Variants in GALNT13 observed in about 807,000 individuals in gnomAD.
GALNT13 encodes the protein UDP-GalNAc:polypeptide N-acetylgalactosaminyltransferase 13.
In GALNT13, 28 loss-of-function variants were observed where a neutral mutation model predicts 64.2. The ratio of observed to expected loss-of-function variants is 0.44; its 90% CI spans 0.32 to 0.60. The LOEUF (loss-of-function observed/expected upper bound fraction) is 0.60. GALNT13 is among the 20% of genes least tolerant of loss of function. The pLI, the probability that GALNT13 is intolerant of heterozygous loss-of-function variation, is 0.05. For synonymous variants in GALNT13, 214 were observed against 224.6 expected (o/e 0.95, Z 0.42); for missense variants, 577 against 669.8 (o/e 0.86, Z 1.53).
At chr2:154,228,782 C>G (rs1688763878) in intron 4 of GALNT13, among the ~76,000 whole-genome samples, 1 of 152,048 alleles carries the variant, frequency 6.6e-6, no homozygotes, top group African/African-American at 2.4e-5. Flanking sequence ...ATCTCATTTT[C>G]AGGATGTGGT....
chr2:153,786,199 G>A, the GALNT13 span, among the ~76,000 whole-genome samples: 492 of 152,256 alleles, frequency 3.2e-3, 2 homozygotes, highest in African/African-American at 0.011. Flanking sequence ...CTCTGAAGAG[G>A]AAACCCAGAG....
chr2:154,022,664 T>C (rs1257930293), intron 3 of GALNT13, among the ~76,000 whole-genome samples: 2 of 152,164 alleles, frequency 1.3e-5, no homozygotes, highest in African/African-American at 4.8e-5. Flanking sequence ...ATTCATTAAT[T>C]TTTTGGAGGG....
At chr2:153,080,277 TG>T in the GALNT13 span, among the ~76,000 whole-genome samples, 1 of 152,268 alleles carries the variant, frequency 6.6e-6, no homozygotes, top group Admixed American at 6.5e-5. Flanking sequence ...CTGTTTAGGT[TG>T]GATGTTTATT....
At chr2:154,456,548 T>G (rs1702034617), downstream of GALNT13, among the ~76,000 whole-genome samples, 1 of 152,104 alleles carries the variant, frequency 6.6e-6, no homozygotes, top group Admixed American at 6.6e-5. Flanking sequence ...ATTAAGTGCC[T>G]ATGAATATCT....
chr2:154,225,283 A>G (rs954202703), intron 4 of GALNT13, among the ~76,000 whole-genome samples: 2 of 152,102 alleles, frequency 1.3e-5, no homozygotes, highest in African/African-American at 4.8e-5. Context: ...ATGCAAGTTA[A>G]AACTGTACTG....
intron 3 of GALNT13, among the ~76,000 whole-genome samples, chr2:154,129,910 A>C (rs1682514750): frequency 3.9e-5 from 6 of 151,994 alleles, no homozygotes. Flanking sequence ...CCTGTTAGCT[A>C]CTGCTCATGG....
chr2:153,609,732 A>G, the GALNT13 span, among the ~76,000 whole-genome samples: 12 of 152,212 alleles, frequency 7.9e-5, no homozygotes, highest in Non-Finnish European at 1.3e-4. Context: ...TTTGATCTCA[A>G]ATAAAATTGT....
At chr2:153,640,778 C>T in the GALNT13 span, among the ~76,000 whole-genome samples, 1 of 151,722 alleles carries the variant, frequency 6.6e-6, no homozygotes, top group Admixed American at 6.6e-5. Context: ...TGAGACTGTC[C>T]CAAAAAAAGT....
chr2:154,038,033 A>G (rs1698764640), intron 3 of GALNT13, among the ~76,000 whole-genome samples: 2 of 152,066 alleles, frequency 1.3e-5, no homozygotes, highest in Admixed American at 1.3e-4. Context: ...CTGTAGTCTC[A>G]GCCACTGAGG....
chr2:154,030,351 A>G (rs968095396), intron 3 of GALNT13, among the ~76,000 whole-genome samples: 7 of 152,164 alleles, frequency 4.6e-5, no homozygotes, highest in African/African-American at 1.7e-4. Flanking sequence ...AAGGCAAGTC[A>G]GAAGACAAAA....
chr2:154,342,515 G>A (rs562762945), intron 9 of GALNT13, among the ~76,000 whole-genome samples: 9 of 151,530 alleles, frequency 5.9e-5, no homozygotes, highest in Non-Finnish European at 1.0e-4. Flanking sequence ...CTAAGAATTC[G>A]TTTTACATTT....
chr2:153,182,732 A>G, the GALNT13 span, among the ~76,000 whole-genome samples: 3 of 152,274 alleles, frequency 2.0e-5, no homozygotes, highest in Middle Eastern at 6.8e-3. Context: ...TTGTTCCTGC[A>G]TTAGTTTGCT....
intron 7 of GALNT13, among the ~76,000 whole-genome samples, chr2:154,254,437 G>C (rs2105893907): frequency 6.6e-6 from 1 of 152,140 alleles, no homozygotes; most frequent in African/African-American, 2.4e-5. Context: ...TGGTTTTTAG[G>C]ATAAATTTCA....
the GALNT13 span, among the ~76,000 whole-genome samples, chr2:153,356,789 C>CTTTTTTTTTTTTTTTTTTTTTTTTTT: frequency 1.9e-5 from 2 of 104,904 alleles, 1 homozygote. Context: ...TCTTCTTCCT[C>CTTTTTTTTTTTTTTTTTTTTTTTTTT]TTTTTTTTTT....
At chr2:153,816,124 G>T in the GALNT13 span, among the ~76,000 whole-genome samples, 2 of 152,278 alleles carry the variant, frequency 1.3e-5, no homozygotes, top group Non-Finnish European at 2.9e-5. Flanking sequence ...TGTGATTGTC[G>T]TTATAAGTTC....
chr2:153,542,954 CTT>C, the GALNT13 span, among the ~76,000 whole-genome samples: 18 of 152,204 alleles, frequency 1.2e-4, 1 homozygote, highest in East Asian at 5.8e-4. Flanking sequence ...TTTATAATGA[CTT>C]ATATGATTTT....
chr2:153,699,169 A>G, the GALNT13 span, among the ~76,000 whole-genome samples: 1 of 152,218 alleles, frequency 6.6e-6, no homozygotes, highest in South Asian at 2.1e-4. Context: ...TGCAAAAAAG[A>G]AAAGAAACAA....
chr2:153,730,828 A>T, the GALNT13 span, among the ~76,000 whole-genome samples: 1 of 152,018 alleles, frequency 6.6e-6, no homozygotes, highest in African/African-American at 2.4e-5. Context: ...TGTAAATTAA[A>T]ACCACAGTGA....
chr2:153,121,675 C>T, the GALNT13 span, among the ~76,000 whole-genome samples: 10 of 152,054 alleles, frequency 6.6e-5, no homozygotes, highest in African/African-American at 2.4e-4. Context: ...ACTACAGGCA[C>T]CCACGACCAT....
Sources: allele counts gnomAD v4.1 joint callset (sites outside exome capture counted in the v4.1 genomes callset), GRCh38; gene constraint gnomAD v4.1.1; transcripts MANE v1.5; gene names NCBI Gene and HGNC (gene_info 2026-07-23, HGNC 2026-07-21).